The following CADPS2 variants were observed in gnomAD, a reference collection of about 807,000 sequenced individuals.
CADPS2 encodes calcium-dependent secretion activator 2.
CADPS2 carries 93 observed loss-of-function variants against 172.5 expected under a neutral mutation model. That is an observed-to-expected ratio of 0.54 (90% CI 0.46 to 0.64). The LOEUF is 0.64. Among genes scored for constraint, CADPS2 ranks in the 30% least tolerant of loss-of-function variants. CADPS2 has a pLI of 0.00. For missense variants in CADPS2, 1,420 were observed against 1,565.9 expected (o/e 0.91, Z 1.57); for synonymous variants, 546 against 555.2 (o/e 0.98, Z 0.23).
intron 6 of CADPS2, among the ~76,000 whole-genome samples, chr7:122,597,808 C>A (rs2072087168): frequency 6.6e-6 from 1 of 151,990 alleles, no homozygotes; most frequent in Admixed American, 6.6e-5. Context: ...AAAAATGTAA[C>A]TGTGGATTTT....
intron 1 of CADPS2, among the ~76,000 whole-genome samples, chr7:122,741,831 A>G (rs1339051718): frequency 6.6e-6 from 1 of 152,190 alleles, no homozygotes; most frequent in Non-Finnish European, 1.5e-5. Context: ...TACACTATCT[A>G]AGACAAAACA....
At chr7:122,698,664 T>G (rs1429789352) in intron 2 of CADPS2, 2 of 1,613,940 alleles carry the variant, frequency 1.2e-6, no homozygotes, top group African/African-American at 1.3e-5. Context: ...TGGGATTACA[T>G]GCATTTTGGA....
chr7:122,339,621 TCATGTCTGTAATCTCAG>T (rs1178376245), intron 28 of CADPS2, among the ~76,000 whole-genome samples: 1 of 152,192 alleles, frequency 6.6e-6, no homozygotes, highest in Non-Finnish European at 1.5e-5. Flanking sequence ...GCATGGTGGC[TCATGTCTGTAATCTCAG>T]CACTTTGGGA....
At chr7:122,776,951 G>T (rs2093902356) in intron 1 of CADPS2, among the ~76,000 whole-genome samples, 1 of 152,068 alleles carries the variant, frequency 6.6e-6, no homozygotes, top group African/African-American at 2.4e-5. Flanking sequence ...AGGAAAAGGA[G>T]ACCATCCTGG....
chr7:122,753,184 G>T (rs2093021215), intron 1 of CADPS2, among the ~76,000 whole-genome samples: 1 of 152,086 alleles, frequency 6.6e-6, no homozygotes, highest in Non-Finnish European at 1.5e-5. Context: ...ATCTAGTAGG[G>T]TATAATTAAG....
In CADPS2 at chr7:122,668,826, G is replaced by C. The variant is rs78146045; in HGVS notation, c.454-5257C>G. On this transcript the variant is annotated intron_variant, in intron 2 of 29. Transcript: ENST00000449022. ...GAGGAGAAGCTCTCATCTCCTGAGA[G>C]GAAGCCCTGTCTTCCCCACCACCAC... 3.9e-3 allele frequency among the ~76,000 whole-genome samples: 590 copies of C among 152,268 alleles called. 4 individuals carry two copies. Among genetic ancestry groups the C allele is most frequent in the African/African-American group, 0.013 (561 of 41,556 alleles).
At chr7:122,706,809 C>G (rs556245824) in intron 2 of CADPS2, among the ~76,000 whole-genome samples, 18 of 148,960 alleles carry the variant, frequency 1.2e-4, no homozygotes, top group Non-Finnish European at 2.5e-4. Context: ...TACACACACA[C>G]ACATATATAT....
chr7:122,645,849 C>G (rs1200576506), intron 3 of CADPS2, among the ~76,000 whole-genome samples: 1 of 149,638 alleles, frequency 6.7e-6, no homozygotes. Flanking sequence ...AATAATGTGG[C>G]AAATTTTTGC....
intron 17 of CADPS2, among the ~76,000 whole-genome samples, chr7:122,436,032 C>G (rs1284067257): frequency 6.6e-6 from 1 of 152,016 alleles, no homozygotes; most frequent in Non-Finnish European, 1.5e-5. Flanking sequence ...TATAGAAGTT[C>G]TAGGGACCTA....
chr7:122,570,023 T>C (rs1421845925), intron 7 of CADPS2, among the ~76,000 whole-genome samples: 3 of 150,144 alleles, frequency 2.0e-5, no homozygotes, highest in Non-Finnish European at 4.4e-5. Flanking sequence ...AAAGCCAAAA[T>C]TGACAAATGG....
intron 17 of CADPS2, among the ~76,000 whole-genome samples, chr7:122,427,663 C>T (rs1473633570): frequency 6.6e-6 from 1 of 152,012 alleles, no homozygotes; most frequent in Admixed American, 6.6e-5. Context: ...TGGATCTGAC[C>T]CTATGCTTGT....
chr7:122,859,004 T>C (rs1563190835), intron 1 of CADPS2, among the ~76,000 whole-genome samples: 1 of 151,676 alleles, frequency 6.6e-6, no homozygotes, highest in Non-Finnish European at 1.5e-5. Context: ...GCCAGGCATA[T>C]AAAAAAAAAT....
chr7:122,601,669 GAAGACGTGT>G (rs1055753080), intron 6 of CADPS2, among the ~76,000 whole-genome samples: 1 of 151,776 alleles, frequency 6.6e-6, no homozygotes, highest in African/African-American at 2.4e-5. Flanking sequence ...TTTTAATTTG[GAAGACGTGT>G]AAGTGCAAAA....
intron 6 of CADPS2, among the ~76,000 whole-genome samples, chr7:122,603,359 C>A (rs2073056563): frequency 6.6e-6 from 1 of 151,654 alleles, no homozygotes; most frequent in Admixed American, 6.6e-5. Context: ...GACACTCAAT[C>A]GTTTATTAAG....
rs373254243 is a variant in CADPS2 at position 122,702,628 on chromosome 7, G to A, written c.453+34327C>T. ...TTCCAACCTGAAATGTTATATTCAG[G>A]TGAGCTGTCCAAATGGCTTTTCCGT... is the stretch of plus-strand genomic sequence containing the variant. On this transcript the variant is annotated intron_variant, in intron 2 of 29. Coordinates refer to ENST00000449022, the MANE Select transcript of CADPS2 (RefSeq NM_017954.11). 10 of 1,613,440 alleles carry A rather than the reference G, an allele frequency of 6.2e-6. No individual in the cohort carries two copies. The African/African-American group carries it at 1.3e-4, about 22-fold the overall frequency.
At chr7:122,415,630 A>C (rs1198982264) in intron 18 of CADPS2, among the ~76,000 whole-genome samples, 3 of 149,646 alleles carry the variant, frequency 2.0e-5, no homozygotes, top group African/African-American at 7.4e-5. Flanking sequence ...AGAAAAGCCC[A>C]GTGGAAATTA....
chr7:122,813,910 G>A (rs922549166), intron 1 of CADPS2, among the ~76,000 whole-genome samples: 1 of 151,982 alleles, frequency 6.6e-6, no homozygotes, highest in Non-Finnish European at 1.5e-5. Context: ...CCAGAGAGAT[G>A]TGAGGGCTGA....
chr7:122,540,797 C>T (rs576661977), intron 8 of CADPS2, among the ~76,000 whole-genome samples: 72 of 152,156 alleles, frequency 4.7e-4, no homozygotes, highest in African/African-American at 1.6e-3. Flanking sequence ...ACTCATAATA[C>T]CTATCAATCA....
intron 28 of CADPS2, among the ~76,000 whole-genome samples, chr7:122,334,378 G>A (rs957458837): frequency 3.3e-5 from 5 of 152,174 alleles, no homozygotes; most frequent in African/African-American, 1.2e-4. Context: ...GGCTGGATGT[G>A]CTGCCTGTGC....
Sources: gnomAD v4.1 joint callset for allele counts (sites outside exome capture counted in the v4.1 genomes callset) on GRCh38, gnomAD v4.1.1 for gene constraint, MANE v1.5 for transcripts, NCBI Gene and HGNC (gene_info 2026-07-23, HGNC 2026-07-21) for gene names.